The following ZNF385B variants were observed in gnomAD, a reference collection of about 807,000 sequenced individuals.
ZNF385B encodes the protein zinc finger protein 385B, also known as zinc finger protein 533.
In ZNF385B, 23 loss-of-function variants were observed where a neutral mutation model predicts 39.2. The ratio of observed to expected loss-of-function variants is 0.59; its 90% CI spans 0.42 to 0.83. The LOEUF (loss-of-function observed/expected upper bound fraction) is 0.83. Among genes scored for constraint, ZNF385B ranks in the 40% least tolerant of loss-of-function variants. The probability of loss-of-function intolerance (pLI) is 0.00; values close to 1 mark genes in which losing one functional copy is unlikely to be tolerated. For missense variants in ZNF385B, 552 were observed against 598.9 expected, an observed-to-expected ratio of 0.92 and a Z score of 0.82; for synonymous variants, 205 against 222.6, an observed-to-expected ratio of 0.92 and a Z score of 0.70.
intron 3 of ZNF385B, among the ~76,000 whole-genome samples, chr2:179,634,868 G>A (rs188289673): frequency 2.0e-4 from 30 of 151,722 alleles, no homozygotes; most frequent in Admixed American, 1.2e-3. Flanking sequence ...CATGGCTCAC[G>A]CCTGTAATCT....
intron 1 of ZNF385B, among the ~76,000 whole-genome samples, chr2:179,834,684 A>G (rs1708154996): frequency 6.6e-6 from 1 of 152,200 alleles, no homozygotes; most frequent in Non-Finnish European, 1.5e-5. Flanking sequence ...CATTAGGTGA[A>G]AGGCTATTAG....
chr2:179,694,736 C>T (rs1012818919), intron 3 of ZNF385B, among the ~76,000 whole-genome samples: 1 of 152,198 alleles, frequency 6.6e-6, no homozygotes. Context: ...TCAAGACCAG[C>T]CTGGCCAACA....
intron 3 of ZNF385B, among the ~76,000 whole-genome samples, chr2:179,651,607 C>T (rs1693199758): frequency 6.6e-6 from 1 of 151,952 alleles, no homozygotes; most frequent in South Asian, 2.1e-4. Context: ...AAACACTCAA[C>T]CTCGTTCACT....
At chr2:179,819,272 T>C (rs770625490) in intron 1 of ZNF385B, among the ~76,000 whole-genome samples, 11 of 152,144 alleles carry the variant, frequency 7.2e-5, no homozygotes, top group African/African-American at 9.7e-5. Flanking sequence ...GTGGTCACCA[T>C]TGAGATGTTG....
chr2:179,713,717 T>C (rs562352163), intron 3 of ZNF385B, among the ~76,000 whole-genome samples: 2 of 152,334 alleles, frequency 1.3e-5, no homozygotes, highest in East Asian at 1.9e-4. Flanking sequence ...TAATAAGTAT[T>C]AATGATTGAC....
At chr2:179,444,403 T>C (rs2049259149) in intron 9 of ZNF385B, among the ~76,000 whole-genome samples, 1 of 152,174 alleles carries the variant, frequency 6.6e-6, no homozygotes, top group Admixed American at 6.5e-5. Context: ...AACAGGCTAA[T>C]TACCAACATG....
intron 1 of ZNF385B, among the ~76,000 whole-genome samples, chr2:179,772,893 A>C (rs112020030): frequency 2.4e-4 from 37 of 152,200 alleles, no homozygotes; most frequent in Non-Finnish European, 3.5e-4. Context: ...CAAAAACTCT[A>C]TGCTTTTTTT....
chr2:179,821,705 A>G (rs953773438), intron 1 of ZNF385B, among the ~76,000 whole-genome samples: 1 of 152,038 alleles, frequency 6.6e-6, no homozygotes, highest in Non-Finnish European at 1.5e-5. Context: ...CCCTCTTAGT[A>G]TATGTCAGAT....
chr2:179,552,173 A>T (rs1476184584), intron 3 of ZNF385B, among the ~76,000 whole-genome samples: 2 of 149,280 alleles, frequency 1.3e-5, no homozygotes, highest in Non-Finnish European at 3.0e-5. Context: ...TGACACCTGA[A>T]ATTATTGCCT....
intron 3 of ZNF385B, among the ~76,000 whole-genome samples, chr2:179,687,535 C>T (rs1446030582): frequency 4.6e-5 from 7 of 152,070 alleles, no homozygotes; most frequent in East Asian, 1.9e-4. Flanking sequence ...AAAAATATCC[C>T]CCAACCCCAG....
At chr2:179,567,771 C>T (rs2105985038) in intron 3 of ZNF385B, among the ~76,000 whole-genome samples, 1 of 152,312 alleles carries the variant, frequency 6.6e-6, no homozygotes, top group Non-Finnish European at 1.5e-5. Context: ...CCACCTACAT[C>T]CAGACTATTG....
intron 3 of ZNF385B, among the ~76,000 whole-genome samples, chr2:179,607,930 T>A (rs1688955807): frequency 1.2e-5 from 1 of 86,572 alleles, no homozygotes; most frequent in Non-Finnish European, 2.3e-5. Context: ...TTTTTTTTTT[T>A]GAGATGGGAG....
chr2:179,793,122 C>T (rs1361338333), intron 1 of ZNF385B, among the ~76,000 whole-genome samples: 1 of 152,098 alleles, frequency 6.6e-6, no homozygotes, highest in Non-Finnish European at 1.5e-5. Context: ...AATTAATGGC[C>T]CCTTTTCTTT....
chr2:179,514,810 T>C (rs747158967), intron 5 of ZNF385B, among the ~76,000 whole-genome samples: 1 of 151,710 alleles, frequency 6.6e-6, no homozygotes, highest in Non-Finnish European at 1.5e-5. Context: ...TGGAATTTTG[T>C]TCTTATTGCT....
At chr2:179,860,526 C>T (rs1357035407) in intron 1 of ZNF385B, among the ~76,000 whole-genome samples, 1 of 152,106 alleles carries the variant, frequency 6.6e-6, no homozygotes, top group East Asian at 1.9e-4. Flanking sequence ...CGCTTAGTGG[C>T]CGAGGCCGCC....
chr2:179,616,929 T>A (rs902384685), intron 3 of ZNF385B, among the ~76,000 whole-genome samples: 1 of 152,110 alleles, frequency 6.6e-6, no homozygotes, highest in Non-Finnish European at 1.5e-5. Flanking sequence ...TTGCTGTGAC[T>A]CTCACTCCAC....
At chr2:179,629,940 C>T (rs562572220) in intron 3 of ZNF385B, among the ~76,000 whole-genome samples, 7 of 152,326 alleles carry the variant, frequency 4.6e-5, no homozygotes, top group African/African-American at 7.2e-5. Flanking sequence ...GATTGAATTG[C>T]GAGGCAGCAG....
chr2:179,710,722 G>A (rs924083930), intron 3 of ZNF385B, among the ~76,000 whole-genome samples: 22 of 152,118 alleles, frequency 1.4e-4, no homozygotes, highest in East Asian at 5.8e-4. Flanking sequence ...ACATCTCCCC[G>A]TCCACCCATA....
At chr2:179,677,918 T>C (rs1448156807) in intron 3 of ZNF385B, among the ~76,000 whole-genome samples, 1 of 152,154 alleles carries the variant, frequency 6.6e-6, no homozygotes, top group African/African-American at 2.4e-5. Flanking sequence ...TACTTCCAAT[T>C]TGCATTGTGT....
Sources: gnomAD v4.1 joint callset for allele counts (sites outside exome capture counted in the v4.1 genomes callset) on GRCh38, gnomAD v4.1.1 for gene constraint, MANE v1.5 for transcripts, NCBI Gene and HGNC (gene_info 2026-07-23, HGNC 2026-07-21) for gene names.